Variants in TMEM40 observed in about 807,000 individuals in gnomAD.
The protein encoded by TMEM40 is transmembrane protein 40.
Under a neutral mutation model 40.8 loss-of-function variants are expected in TMEM40, and 34 were observed. The ratio of observed to expected loss-of-function variants is 0.83; its 90% confidence interval spans 0.63 to 1.11. The LOEUF is 1.11. Ranked by LOEUF, TMEM40 falls within the 50% of genes least tolerant of loss-of-function variation. The pLI, the probability that TMEM40 is intolerant of heterozygous loss-of-function variation, is 0.00. For missense variants in TMEM40, 296 were observed against 280.2 expected, an observed-to-expected ratio of 1.06 and a Z score of -0.40; for synonymous variants, 106 against 107.0, an observed-to-expected ratio of 0.99 and a Z score of 0.06.
intron 3 of TMEM40, among the ~76,000 whole-genome samples, chr3:12,746,665 C>T (rs2061431342): frequency 6.6e-6 from 1 of 152,144 alleles, no homozygotes; most frequent in South Asian, 2.1e-4. Context: ...AGGTCAGTCA[C>T]CGTAGGATCA....
intron 3 of TMEM40, among the ~76,000 whole-genome samples, chr3:12,745,441 G>A (rs2061419991): frequency 6.6e-6 from 1 of 151,636 alleles, no homozygotes; most frequent in Non-Finnish European, 1.5e-5. Context: ...CTTTCTCTGT[G>A]ATATATTCAT....
intron 3 of TMEM40, among the ~76,000 whole-genome samples, chr3:12,747,338 G>T (rs1411179016): frequency 6.6e-6 from 1 of 152,104 alleles, no homozygotes; most frequent in East Asian, 1.9e-4. Flanking sequence ...TCCCAAGTTG[G>T]TTACTGAGCT....
At chr3:12,766,371 G>A (rs1346611378) in intron 1 of TMEM40, among the ~76,000 whole-genome samples, 1 of 151,768 alleles carries the variant, frequency 6.6e-6, no homozygotes, top group African/African-American at 2.4e-5. Flanking sequence ...CGAGGAGGGC[G>A]GATCACGAGG....
chr3:12,767,049 A>G (rs2061597567), intron 1 of TMEM40, among the ~76,000 whole-genome samples: 1 of 152,116 alleles, frequency 6.6e-6, no homozygotes, highest in Admixed American at 6.6e-5. Flanking sequence ...AAAGGACCCT[A>G]TGTCCAGAAA....
chr3:12,740,227 G>A (rs2061370923), intron 5 of TMEM40, among the ~76,000 whole-genome samples: 1 of 151,174 alleles, frequency 6.6e-6, no homozygotes, highest in Non-Finnish European at 1.5e-5. Flanking sequence ...CTGAGTAGCT[G>A]GGATTACGGG....
At chr3:12,742,990 C>T (rs751578207) in intron 4 of TMEM40, among the ~76,000 whole-genome samples, 1 of 152,182 alleles carries the variant, frequency 6.6e-6, no homozygotes, top group East Asian at 1.9e-4. Flanking sequence ...CATTCCTAAT[C>T]ATGTTTATAT....
chr3:12,753,224 T>C lies in TMEM40; in HGVS notation c.-8-3384A>G, dbSNP rs1376173808. On this transcript the variant is annotated intron_variant, in intron 1 of 11. Transcript: ENST00000314124. ...CTTTCTTTCTTTCTTTTTTTTTTTT[T>C]TTTTTTTTTTTTGAGACAGGGTCTC... Among the ~76,000 whole-genome samples, 14 of 137,606 alleles carry C rather than the reference T, an allele frequency of 1.0e-4. No individual in the cohort carries two copies. The East Asian group carries it at 2.9e-3, about 28-fold the overall frequency. 90.3% of individuals were successfully genotyped at this position (137,606 alleles called of 152,430 possible).
At chr3:12,741,767 CAAA>C (rs59665318) in intron 5 of TMEM40, among the ~76,000 whole-genome samples, 124 of 125,620 alleles carry the variant, frequency 9.9e-4, no homozygotes, top group Admixed American at 9.8e-4. Context: ...GTTTTTGTAA[CAAA>C]AAAAAAAAAA....
At chr3:12,763,078 T>A (rs1318053474), upstream of TMEM40, among the ~76,000 whole-genome samples, 2 of 142,486 alleles carry the variant, frequency 1.4e-5, no homozygotes, top group Non-Finnish European at 3.0e-5. Context: ...GAGAATGGCG[T>A]GAATCCGGGA....
intron 3 of TMEM40, 38 bp from the exon 4 acceptor site, chr3:12,744,027 C>G (rs2061407194): frequency 1.9e-6 from 3 of 1,595,000 alleles, no homozygotes; most frequent in Non-Finnish European, 1.7e-6. Flanking sequence ...AGAAGCTCAG[C>G]CTGGAACAAG....
In TMEM40 at chr3:12,749,730, T is replaced by C. The variant is rs200008653; in HGVS notation, c.73+30A>G. 5.5e-5 allele frequency: 89 copies of C among 1,607,448 alleles called. No homozygotes were observed. In the African/African-American group the frequency reaches 1.1e-3, roughly 20 times the overall value. ...TTGGACTCCACCTCCCATGTGGTTT[T>C]GCCCAGAGGGTCAGAGAAGGCAAAC... On this transcript the variant is annotated intron_variant, in intron 2 of 11. Coordinates refer to ENST00000314124, the MANE Select transcript of TMEM40 (RefSeq NM_018306.4).
chr3:12,769,179 C>T (rs1217148183), intron 1 of TMEM40: 2 of 320,626 alleles, frequency 6.2e-6, no homozygotes, highest in African/African-American at 4.5e-5. Flanking sequence ...AGCCCAAGCC[C>T]ACCCGGAACT....
chr3:12,746,580 C>T (rs2061430587), intron 3 of TMEM40, among the ~76,000 whole-genome samples: 2 of 152,188 alleles, frequency 1.3e-5, no homozygotes, highest in African/African-American at 2.4e-5. Flanking sequence ...TGCGGTGAGG[C>T]ACCCAGGCTC....
At chr3:12,738,084 C>T (rs1362430986) in intron 7 of TMEM40, 52 bp downstream of exon 7, 3 of 1,608,676 alleles carry the variant, frequency 1.9e-6, no homozygotes, top group South Asian at 1.1e-5. Flanking sequence ...CCCAACCCAT[C>T]GTCTGGAATC....
Position 12,738,168 on chromosome 3 carries a change from C to G in TMEM40, c.392G>C (p.Gly131Ala). The stretch of plus-strand genomic sequence containing the variant: ...TGGGTCAGAGCCTCTCCTTCGGAGT[C>G]CTGGAAACAAGAAACTCAACATTAG... ...PGEVVPSGES[G>A]LRRRGSDPAS... is the part of the protein sequence containing the mutation. Residue 131 changes from glycine to alanine, a missense_variant and splice_region_variant, in exon 7 of 12, where the codon GGA becomes GCA. Physicochemically the swap from Gly to Ala is moderately conservative, Grantham distance 60. Transcript: ENST00000314124. 1 of 1,613,944 alleles carries G rather than the reference C, an allele frequency of 6.2e-7. No homozygotes were observed. Among genetic ancestry groups the G allele is most frequent in the Non-Finnish European group, 8.5e-7 (1 of 1,179,976 alleles).
chr3:12,743,608 T>A (rs542176528), intron 4 of TMEM40, among the ~76,000 whole-genome samples: 7 of 152,240 alleles, frequency 4.6e-5, no homozygotes, highest in Non-Finnish European at 8.8e-5. Flanking sequence ...TTTTAGCATT[T>A]TTCCTTCTAG....
At chr3:12,740,439 C>T (rs1279952684) in intron 5 of TMEM40, among the ~76,000 whole-genome samples, 2 of 151,352 alleles carry the variant, frequency 1.3e-5, no homozygotes, top group African/African-American at 4.9e-5. Flanking sequence ...TGGTGGCTCA[C>T]GCCTCTAATC....
At chr3:12,750,592 T>C (rs75381207) in intron 1 of TMEM40, among the ~76,000 whole-genome samples, 3,999 of 152,230 alleles carry the variant, frequency 0.026, 178 homozygotes, top group African/African-American at 0.087. Flanking sequence ...GAGGTAGATT[T>C]ACTAGTCTCT....
rs747586371 is a variant in TMEM40, at chr3:12,747,910, C to CAAAAAA, written c.211+739_211+744dup. ...TGGGCAACAGAGCAAGATTCTGTCT[C>CAAAAAA]AAAAAAAAAAAAAAAAAAAAAAAAA... is the stretch of plus-strand genomic sequence containing the variant. On this transcript the variant is annotated intron_variant, in intron 3 of 11. Coordinates refer to ENST00000314124, the MANE Select transcript of TMEM40 (RefSeq NM_018306.4). 9.0e-3 allele frequency among the ~76,000 whole-genome samples: 248 copies of CAAAAAA among 27,578 alleles called. 18 individuals are homozygous for CAAAAAA. Among genetic ancestry groups the CAAAAAA allele is most frequent in the East Asian group, 0.016 (14 of 862 alleles). 18.1% of individuals were successfully genotyped at this position (27,578 alleles called of 152,430 possible).
Sources: gnomAD v4.1 joint callset for allele counts (sites outside exome capture counted in the v4.1 genomes callset) on GRCh38, gnomAD v4.1.1 for gene constraint, MANE v1.5 for transcripts, NCBI Gene and HGNC (gene_info 2026-07-23, HGNC 2026-07-21) for gene names.